Variants in COL4A2 observed in about 807,000 individuals in gnomAD.
The protein encoded by COL4A2 is collagen alpha-2(IV) chain.
In COL4A2, 99 loss-of-function variants were observed where a neutral mutation model predicts 200.2. That is an observed-to-expected ratio of 0.49 (90% CI 0.42 to 0.58). The LOEUF is 0.58. COL4A2 is among the 20% of genes least tolerant of loss of function. The pLI is 0.00. For synonymous variants in COL4A2, 897 were observed against 900.6 expected (o/e 1.00, Z 0.07); for missense variants, 1,950 against 2,314.1 (o/e 0.84, Z 3.23).
chr13:110,330,141 A>C (rs1277240610), intron 3 of COL4A2, among the ~76,000 whole-genome samples: 1 of 152,200 alleles, frequency 6.6e-6, no homozygotes, highest in Admixed American at 6.5e-5. Context: ...AAGGCTTTCC[A>C]CGGCCCCTTT....
intron 47 of COL4A2, among the ~76,000 whole-genome samples, chr13:110,510,583 G>A (rs191215353): frequency 8.8e-4 from 134 of 152,048 alleles, no homozygotes; most frequent in African/African-American, 3.2e-3. Context: ...ACTTATGCAC[G>A]TGTGTGCATA....
intron 3 of COL4A2, among the ~76,000 whole-genome samples, chr13:110,357,044 G>C (rs993606472): frequency 6.6e-6 from 1 of 152,158 alleles, no homozygotes; most frequent in East Asian, 1.9e-4. Context: ...GATTCCAGGC[G>C]TGAGCGACCG....
At chr13:110,461,805 G>A (rs1023610846) in intron 22 of COL4A2, among the ~76,000 whole-genome samples, 4 of 152,178 alleles carry the variant, frequency 2.6e-5, no homozygotes, top group Non-Finnish European at 5.9e-5. Flanking sequence ...AAAGTGCTGC[G>A]ATTACAGAAG....
At chr13:110,392,038 GA>G (rs1231495986) in intron 4 of COL4A2, among the ~76,000 whole-genome samples, 1 of 152,180 alleles carries the variant, frequency 6.6e-6, no homozygotes, top group Admixed American at 6.5e-5. Context: ...ATTTGGAGGG[GA>G]GTGGTAACAA....
rs372424459 is a variant in COL4A2, at chr13:110,424,641, A to AAAAC, written c.181-90_181-89insCAAA. On this transcript the variant is annotated intron_variant, in intron 4 of 47. Transcript: ENST00000360467. Reference sequence around the variant, plus strand: ...CTGTAGATTATAGCTCTTTAAAAACAAAAAAAAAAATGTAGTTTTGAAAGT... The same window carrying AAAAC: ...CTGTAGATTATAGCTCTTTAAAAACAAAACAAAAAAAAAATGTAGTTTTGAAAGT... 6.8e-4 allele frequency: 313 copies of AAAAC among 457,918 alleles called. 2 individuals are homozygous for AAAAC. The East Asian group carries it at 0.01, about 15-fold the overall frequency. The allele number at this position is 457,918 out of a possible 1,614,324, so 28.4% of individuals were successfully genotyped here. A position where few individuals can be genotyped will look rare whatever the true frequency, so the allele number is the denominator to read the frequency against.
rs1310955545 is a variant in COL4A2 at position 110,307,605 on chromosome 13, T to C, written c.-45+77T>C. 3.9e-6 allele frequency: 2 copies of C among 516,678 alleles called. No homozygotes were observed. The highest frequency in any genetic ancestry group is 6.8e-6 in the Non-Finnish European group (2 of 293,758). 32.0% of individuals were successfully genotyped at this position (516,678 alleles called of 1,614,324 possible). A position where few individuals can be genotyped will look rare whatever the true frequency, so the allele number is the denominator to read the frequency against. On this transcript the variant is annotated intron_variant, in intron 1 of 47. Coordinates refer to ENST00000360467, the MANE Select transcript of COL4A2 (RefSeq NM_001846.4). This position sits in a 1 kb window ranked among gnomAD's most constrained non-coding sequence, Gnocchi z 5.0. The stretch of plus-strand genomic sequence containing the variant: ...TGGAGCGCCTTGTGCAGGCTAGGGC[T>C]GCACGCTCTCCTGCTTGGGAGTAGA...
At chr13:110,382,498 A>C (rs1334264633) in intron 4 of COL4A2, among the ~76,000 whole-genome samples, 1 of 152,230 alleles carries the variant, frequency 6.6e-6, no homozygotes, top group African/African-American at 2.4e-5. Flanking sequence ...TCTTCCTTAG[A>C]TACTTTGTAA....
intron 3 of COL4A2, among the ~76,000 whole-genome samples, chr13:110,310,303 A>G (rs1000500147): frequency 6.6e-5 from 10 of 152,170 alleles, no homozygotes; most frequent in African/African-American, 1.7e-4. Context: ...GTCAGGCCCC[A>G]TCTCAGACCT....
At chr13:110,445,912 T>G in intron 17 of COL4A2, 30 bp downstream of exon 17, 1 of 1,613,612 alleles carries the variant, frequency 6.2e-7, no homozygotes, top group Non-Finnish European at 8.5e-7. Flanking sequence ...CTTTGCCACT[T>G]ATGGTGTCTC....
intron 40 of COL4A2, among the ~76,000 whole-genome samples, chr13:110,495,901 C>T (rs1174464887): frequency 1.3e-5 from 2 of 152,202 alleles, no homozygotes; most frequent in Non-Finnish European, 2.9e-5. Context: ...TCCCTGCTCA[C>T]CAGCCAAGGT....
In COL4A2 at chr13:110,485,628, G is replaced by T. The variant is rs41315048; in HGVS notation, c.3026-27G>T. The stretch of plus-strand genomic sequence containing the variant: ...GGGCGGGTGCTGCGTCCTCACCAGA[G>T]TGTTACACACCAGGGTCTTCCTGCA... On this transcript the variant is annotated intron_variant, in intron 33 of 47. Transcript: ENST00000360467. 88,269 of 1,569,564 alleles carry T rather than the reference G, an allele frequency of 0.056. 2,694 individuals carry two copies. Among genetic ancestry groups the T allele is most frequent in the Middle Eastern group, 0.078 (460 of 5,860 alleles).
intron 18 of COL4A2, among the ~76,000 whole-genome samples, chr13:110,447,226 C>T (rs1881363678): frequency 6.6e-6 from 1 of 152,200 alleles, no homozygotes; most frequent in African/African-American, 2.4e-5. Flanking sequence ...CAGCCCCAGC[C>T]GCCTTCGGAT....
chr13:110,477,295 TC>T (rs1470639155), intron 29 of COL4A2, among the ~76,000 whole-genome samples: 1 of 152,192 alleles, frequency 6.6e-6, no homozygotes, highest in African/African-American at 2.4e-5. Context: ...AGCAAGCGGA[TC>T]CCCCGACACC....
chr13:110,449,963 A>G (rs896696776), intron 19 of COL4A2, among the ~76,000 whole-genome samples, 174 bp downstream of exon 19: 3 of 152,194 alleles, frequency 2.0e-5, no homozygotes, highest in Non-Finnish European at 4.4e-5. Flanking sequence ...ACCTTCACAG[A>G]ACCCTCGCAC....
chr13:110,357,642 C>A, intron 4 of COL4A2, 90 bp downstream of exon 4: 1 of 1,523,498 alleles, frequency 6.6e-7, no homozygotes. Flanking sequence ...ACACGTGTGG[C>A]TGGGCAGTTT....
At chr13:110,457,477 T>C (rs761893387) in intron 21 of COL4A2, 42 bp downstream of exon 21, 4 of 1,162,502 alleles carry the variant, frequency 3.4e-6, no homozygotes, top group Non-Finnish European at 5.2e-6. Context: ...CAGCCTGGCC[T>C]TTCCAAGTCC....
chr13:110,333,609 C>G (rs140262378), intron 3 of COL4A2, among the ~76,000 whole-genome samples: 42 of 152,320 alleles, frequency 2.8e-4, no homozygotes, highest in African/African-American at 1.0e-3. Context: ...CCCCTGGCTA[C>G]GACCTACTGC....
intron 4 of COL4A2, among the ~76,000 whole-genome samples, chr13:110,362,366 A>T (rs1877554406): frequency 6.6e-6 from 1 of 152,170 alleles, no homozygotes; most frequent in Admixed American, 6.5e-5. Flanking sequence ...TCAGCACCAA[A>T]CAAGGTGCCC....
chr13:110,368,683 T>C (rs757652990), intron 4 of COL4A2, among the ~76,000 whole-genome samples: 6 of 152,056 alleles, frequency 3.9e-5, no homozygotes, highest in African/African-American at 1.5e-4. Flanking sequence ...AAGGATTGCG[T>C]AGGAGTTGAG....
Sources: gnomAD v4.1 joint callset for allele counts (sites outside exome capture counted in the v4.1 genomes callset) on GRCh38, gnomAD v4.1.1 for gene constraint, Gnocchi (gnomAD v3.1) non-coding constraint, MANE v1.5 for transcripts, NCBI Gene and HGNC (gene_info 2026-07-23, HGNC 2026-07-21) for gene names.